The following UNC13B variants were observed in gnomAD, a reference collection of about 807,000 sequenced individuals.
UNC13B encodes unc-13 homolog B.
UNC13B carries 144 observed loss-of-function variants against 211.0 expected under a neutral mutation model. The ratio of observed to expected loss-of-function variants is 0.68; its 90% CI spans 0.60 to 0.78. UNC13B has a LOEUF of 0.78. Ranked by LOEUF, UNC13B falls within the 30% of genes least tolerant of loss-of-function variation. The pLI, the probability that UNC13B is intolerant of heterozygous loss-of-function variation, is 0.00. For synonymous variants in UNC13B, 709 were observed against 725.8 expected (o/e 0.98, Z 0.37); for missense variants, 1,777 against 2,002.0 (o/e 0.89, Z 2.14).
At chr9:35,199,905 A>G (rs1823179405) in intron 1 of UNC13B, among the ~76,000 whole-genome samples, 1 of 152,102 alleles carries the variant, frequency 6.6e-6, no homozygotes, top group Non-Finnish European at 1.5e-5. Flanking sequence ...TTAGTCATGA[A>G]GTCCTTGCCC....
At chr9:35,233,704 C>G (rs940155053) in intron 3 of UNC13B, among the ~76,000 whole-genome samples, 2 of 151,952 alleles carry the variant, frequency 1.3e-5, no homozygotes, top group South Asian at 2.1e-4. Context: ...ATTTTCATAT[C>G]TTGTTTTTAG....
At position 35,399,241 on chromosome 9, in the gene UNC13B, C is replaced by T. The variant is rs1836113300; in HGVS notation, c.12155C>T (p.Thr4052Ile). Residue 4052 changes from threonine to isoleucine, a missense_variant, in exon 34 of 40, where the codon ACA becomes ATA. Coordinates refer to ENST00000635942, the MANE Select transcript of UNC13B (RefSeq NM_001371189.2). Reference sequence around the variant, plus strand: ...GAGCTCTGGCGCGTGGTGATGAACACAATGGAGAGGATGATTGTTCTGCCC... The same window carrying T: ...GAGCTCTGGCGCGTGGTGATGAACATAATGGAGAGGATGATTGTTCTGCCC... ...LKELWRVVMN[T>I]MERMIVLPPL... The T allele has an allele frequency of 6.2e-7, 1 of 1,614,128 alleles. No individual in the cohort carries two copies. Among genetic ancestry groups the T allele is most frequent in the Middle Eastern group, 1.6e-4 (1 of 6,062 alleles).
intron 6 of UNC13B, among the ~76,000 whole-genome samples, chr9:35,247,414 G>A (rs1256610202): frequency 6.6e-6 from 1 of 152,128 alleles, no homozygotes; most frequent in African/African-American, 2.4e-5. Context: ...GTGAGAGAGG[G>A]CATCCCTGTC....
At chr9:35,310,422 C>T (rs1306052123) in intron 9 of UNC13B, 45 bp from the exon 10 acceptor site, 1 of 1,585,406 alleles carries the variant, frequency 6.3e-7, no homozygotes. Context: ...GTCCTGGTCC[C>T]TGATTGCATT....
intron 11 of UNC13B, chr9:35,353,533 A>G (rs1021291256): frequency 4.1e-6 from 5 of 1,232,074 alleles, no homozygotes; most frequent in East Asian, 3.2e-5. Context: ...AGGGAGAGCA[A>G]ACCCCTCAGG....
At chr9:35,206,729 C>T (rs1170719153) in intron 1 of UNC13B, among the ~76,000 whole-genome samples, 1 of 152,042 alleles carries the variant, frequency 6.6e-6, no homozygotes, top group African/African-American at 2.4e-5. Context: ...CAATAATTAG[C>T]TGGGTGTGGT....
At chr9:35,332,308 G>A (rs1374968788) in intron 11 of UNC13B, among the ~76,000 whole-genome samples, 2 of 151,958 alleles carry the variant, frequency 1.3e-5, no homozygotes, top group African/African-American at 2.4e-5. Flanking sequence ...TTTTCCTTAG[G>A]CTCTATTCTT....
intron 1 of UNC13B, among the ~76,000 whole-genome samples, chr9:35,184,232 G>C (rs530676744): frequency 6.6e-6 from 1 of 151,724 alleles, no homozygotes; most frequent in Admixed American, 6.6e-5. Flanking sequence ...CAGACGGGGC[G>C]GCTGGGCAGA....
At chr9:35,312,519 A>T (rs930900711) in intron 10 of UNC13B, among the ~76,000 whole-genome samples, 2 of 152,190 alleles carry the variant, frequency 1.3e-5, no homozygotes, top group Non-Finnish European at 2.9e-5. Flanking sequence ...GAGAAGCAGA[A>T]GTGCCCAGCA....
At chr9:35,260,488 CTG>C (rs1472415825) in intron 7 of UNC13B, among the ~76,000 whole-genome samples, 1 of 152,146 alleles carries the variant, frequency 6.6e-6, no homozygotes, top group East Asian at 1.9e-4. Flanking sequence ...GTGTGAACCA[CTG>C]TGTTATATTG....
chr9:35,173,930 T>G (rs1038436180), intron 1 of UNC13B, among the ~76,000 whole-genome samples: 2 of 152,252 alleles, frequency 1.3e-5, no homozygotes, highest in African/African-American at 4.8e-5. Flanking sequence ...TCTTTAAAAT[T>G]CATATATTTG....
At chr9:35,265,386 A>G (rs1827508610) in intron 7 of UNC13B, among the ~76,000 whole-genome samples, 1 of 152,234 alleles carries the variant, frequency 6.6e-6, no homozygotes, top group African/African-American at 2.4e-5. Flanking sequence ...AGCCAGGAAG[A>G]GACTGTTCAC....
intron 7 of UNC13B, among the ~76,000 whole-genome samples, chr9:35,274,273 T>G (rs989800874): frequency 6.6e-6 from 1 of 152,126 alleles, no homozygotes; most frequent in Admixed American, 6.6e-5. Context: ...GGGGTCTCAC[T>G]ATGTTGCCCA....
In UNC13B at chr9:35,366,938, T is replaced by C; in HGVS notation, c.9415-9T>C. 5 of 1,613,372 alleles carry C rather than the reference T, an allele frequency of 3.1e-6. No homozygotes were observed. Among genetic ancestry groups the C allele is most frequent in the Non-Finnish European group, 4.2e-6 (5 of 1,179,308 alleles). ...CAGGATCTAACTTGTTTCCTATCTCTTTTTAAAGATTCCAGATGATGGTGA... is the reference window on the plus strand; with the variant it reads ...CAGGATCTAACTTGTTTCCTATCTCCTTTTAAAGATTCCAGATGATGGTGA... On this transcript the variant is annotated splice_polypyrimidine_tract_variant and intron_variant, in intron 11 of 39. Coordinates refer to ENST00000635942, the MANE Select transcript of UNC13B (RefSeq NM_001371189.2).
At chr9:35,249,304 T>C (rs949604842) in intron 6 of UNC13B, among the ~76,000 whole-genome samples, 3 of 152,222 alleles carry the variant, frequency 2.0e-5, no homozygotes, top group African/African-American at 4.8e-5. Context: ...CTTGACTCTT[T>C]ATCCAATTTG....
intron 8 of UNC13B, among the ~76,000 whole-genome samples, chr9:35,298,202 G>A (rs1414736964): frequency 6.6e-6 from 1 of 152,124 alleles, no homozygotes; most frequent in Non-Finnish European, 1.5e-5. Context: ...GAGGATCACT[G>A]GAGTCCAAGA....
At chr9:35,178,244 C>G (rs1821744213) in intron 1 of UNC13B, among the ~76,000 whole-genome samples, 1 of 152,146 alleles carries the variant, frequency 6.6e-6, no homozygotes, top group African/African-American at 2.4e-5. Context: ...CACAGTGGCT[C>G]ATGCCTGTAA....
At chr9:35,168,406 T>G (rs536754510) in intron 1 of UNC13B, among the ~76,000 whole-genome samples, 223 of 152,230 alleles carry the variant, frequency 1.5e-3, no homozygotes, top group African/African-American at 4.9e-3. Flanking sequence ...TCCCACTCCA[T>G]AGATGGTTTT....
intron 11 of UNC13B, among the ~76,000 whole-genome samples, chr9:35,345,508 T>G (rs1832296871): frequency 6.6e-6 from 1 of 152,024 alleles, no homozygotes; most frequent in Non-Finnish European, 1.5e-5. Flanking sequence ...GGGTGAAAGA[T>G]GAGGAATTTG....
Sources: allele counts gnomAD v4.1 joint callset (sites outside exome capture counted in the v4.1 genomes callset), GRCh38; gene constraint gnomAD v4.1.1; transcripts MANE v1.5; gene names NCBI Gene and HGNC (gene_info 2026-07-23, HGNC 2026-07-21).